Variants in DDX43 observed in about 807,000 individuals in gnomAD.
DDX43 encodes the protein DEAD-box helicase 43, also known as probable ATP-dependent RNA helicase DDX43.
In DDX43, 50 loss-of-function variants were observed where a neutral mutation model predicts 84.9. The observed-to-expected ratio is 0.59, with a 90% CI of 0.47 to 0.75. The LOEUF (loss-of-function observed/expected upper bound fraction) is 0.75, where lower values mean the gene tolerates loss of function less well. Ranked by LOEUF, DDX43 falls within the 30% of genes least tolerant of loss-of-function variation. The probability of loss-of-function intolerance (pLI) is 0.00; values close to 1 mark genes in which losing one functional copy is unlikely to be tolerated. For synonymous variants in DDX43, 291 were observed against 266.3 expected, an observed-to-expected ratio of 1.09 and a Z score of -0.90; for missense variants, 689 against 798.6, an observed-to-expected ratio of 0.86 and a Z score of 1.65.
chr6:73,401,713 A>G (rs1334350980), intron 3 of DDX43, 146 bp from the exon 4 acceptor site: 2 of 675,866 alleles, frequency 3.0e-6, no homozygotes, highest in Non-Finnish European at 4.6e-6. Flanking sequence ...GAGGCAAGAG[A>G]ATGGCGGGAA....
intron 10 of DDX43, among the ~76,000 whole-genome samples, chr6:73,411,246 A>AATTGG (rs1189328106): frequency 1.3e-5 from 2 of 151,516 alleles, no homozygotes; most frequent in East Asian, 3.9e-4. Flanking sequence ...CCCTATGAAA[A>AATTGG]ATTGGAATTT....
rs1769718409 is a variant in DDX43, at chr6:73,408,212, A to C, written c.1179+111A>C. The C allele has an allele frequency of 2.8e-6, 3 of 1,087,648 alleles. No individual in the cohort carries two copies. In the South Asian group the frequency reaches 4.4e-5, roughly 16 times the overall value. 67.4% of individuals were successfully genotyped at this position (1,087,648 alleles called of 1,614,324 possible). A position where few individuals can be genotyped will look rare whatever the true frequency, so the allele number is the denominator to read the frequency against. ...CACTTTGGGAGGCCGAGGCAGGTGG[A>C]TCACCTAAGGTCAGGAGTTCGAGAC... On this transcript the variant is annotated intron_variant, in intron 9 of 16. Transcript: ENST00000370336.
chr6:73,395,173 T>C lies in DDX43; in HGVS notation c.250+18T>C, dbSNP rs1410405272. On this transcript the variant is annotated intron_variant, in intron 1 of 16. Coordinates refer to ENST00000370336, the MANE Select transcript of DDX43 (RefSeq NM_018665.3). Reference sequence around the variant, plus strand: ...GGTAATCGGTGAGAATGGGAGTGGCTGGCAGGGCAGGATAGGTGGGGCCAG... The same window carrying C: ...GGTAATCGGTGAGAATGGGAGTGGCCGGCAGGGCAGGATAGGTGGGGCCAG... The C allele has an allele frequency of 2.5e-6, 4 of 1,593,942 alleles. No homozygotes were observed. The highest frequency in any genetic ancestry group is 3.4e-6 in the Non-Finnish European group (4 of 1,170,794).
chr6:73,401,066 C>G (rs1204784250), intron 3 of DDX43, among the ~76,000 whole-genome samples: 1 of 152,100 alleles, frequency 6.6e-6, no homozygotes, highest in Non-Finnish European at 1.5e-5. Context: ...TAGCCTTGAC[C>G]TCCTGGGCGG....
chr6:73,395,845 A>G (rs1206100816), intron 1 of DDX43, among the ~76,000 whole-genome samples: 2 of 152,162 alleles, frequency 1.3e-5, no homozygotes, highest in African/African-American at 4.8e-5. Flanking sequence ...AGGTCATTGT[A>G]GGGCTGCCTA....
In DDX43 at chr6:73,413,627, C is replaced by T. The variant is rs944830440; in HGVS notation, c.1369-31C>T. The T allele has an allele frequency of 4.4e-6, 7 of 1,604,424 alleles. No homozygotes were observed. The African/African-American group carries it at 5.4e-5, about 12-fold the overall frequency. ...CGGTCTCACCCTCAATCATGATGAC[C>T]TTGATGAACTATGTTCTTTGAATCC... is the stretch of plus-strand genomic sequence containing the variant. On this transcript the variant is annotated intron_variant, in intron 11 of 16. Coordinates refer to ENST00000370336, the MANE Select transcript of DDX43 (RefSeq NM_018665.3).
chr6:73,401,801 CAAAAAAAAA>C (rs60478350), intron 3 of DDX43, 49 bp from the exon 4 acceptor site: 25 of 1,087,286 alleles, frequency 2.3e-5, no homozygotes, highest in Non-Finnish European at 2.9e-5. Flanking sequence ...GACTCCATCT[CAAAAAAAAA>C]AAAAAAAAAA....
intron 2 of DDX43, among the ~76,000 whole-genome samples, chr6:73,398,556 G>A (rs1260606347): frequency 6.6e-6 from 1 of 151,276 alleles, no homozygotes; most frequent in Non-Finnish European, 1.5e-5. Context: ...CCAGTCGGAG[G>A]TAAAAATCGT....
intron 2 of DDX43, among the ~76,000 whole-genome samples, chr6:73,399,326 T>C (rs1769527004): frequency 6.6e-6 from 1 of 152,206 alleles, no homozygotes; most frequent in East Asian, 1.9e-4. Flanking sequence ...GGCCTGTAAG[T>C]CTAGACTCCT....
intron 1 of DDX43, among the ~76,000 whole-genome samples, 155 bp from the exon 2 acceptor site, chr6:73,397,534 A>G (rs1450198029): frequency 6.6e-6 from 1 of 152,104 alleles, no homozygotes; most frequent in Non-Finnish European, 1.5e-5. Flanking sequence ...TTGGAATAGA[A>G]CCTCTTACTT....
At chr6:73,397,820 T>G in intron 2 of DDX43, 76 bp downstream of exon 2, 1 of 1,326,994 alleles carries the variant, frequency 7.5e-7, no homozygotes, top group South Asian at 1.2e-5. Context: ...TACTTTTCTT[T>G]TTAAGACAGC....
chr6:73,414,221 C>T (rs189744198), intron 13 of DDX43, 142 bp downstream of exon 13: 1 of 613,194 alleles, frequency 1.6e-6, no homozygotes, highest in East Asian at 2.8e-5. Flanking sequence ...CTCATTAGAG[C>T]TCTAAACATT....
intron 4 of DDX43, among the ~76,000 whole-genome samples, chr6:73,403,384 C>T (rs1389968790): frequency 6.6e-6 from 1 of 152,116 alleles, no homozygotes; most frequent in Non-Finnish European, 1.5e-5. Context: ...GCAGGAGAAT[C>T]GCTTGACCCC....
chr6:73,414,397 G>T, intron 13 of DDX43, 151 bp from the exon 14 acceptor site: 2 of 711,330 alleles, frequency 2.8e-6, no homozygotes, highest in Non-Finnish European at 4.5e-6. Context: ...GTAACTTGCC[G>T]GCAGTTACTT....
At chr6:73,408,229 G>A (rs1562284935) in intron 9 of DDX43, 128 bp downstream of exon 9, 1 of 839,108 alleles carries the variant, frequency 1.2e-6, no homozygotes, top group Non-Finnish European at 1.8e-6. Flanking sequence ...AAGGTCAGGA[G>A]TTCGAGACCA....
At chr6:73,404,807 G>T in intron 5 of DDX43, 36 bp downstream of exon 5, 7 of 1,480,150 alleles carry the variant, frequency 4.7e-6, no homozygotes, top group Non-Finnish European at 6.6e-6. Flanking sequence ...GTAAGTATTT[G>T]TATAGTTACG....
intron 14 of DDX43, among the ~76,000 whole-genome samples, chr6:73,415,254 C>T (rs1051098861): frequency 2.0e-5 from 3 of 151,976 alleles, no homozygotes; most frequent in Admixed American, 6.6e-5. Context: ...GCCGAGATTG[C>T]GCCATTGCAC....
At chr6:73,400,994 T>C (rs1769558647) in intron 3 of DDX43, among the ~76,000 whole-genome samples, 1 of 151,850 alleles carries the variant, frequency 6.6e-6, no homozygotes, top group Non-Finnish European at 1.5e-5. Flanking sequence ...TAAAATTGTT[T>C]TGAGACAGGT....
chr6:73,409,800 G>A (rs913690682), intron 10 of DDX43, among the ~76,000 whole-genome samples: 1 of 152,174 alleles, frequency 6.6e-6, no homozygotes, highest in African/African-American at 2.4e-5. Flanking sequence ...GGAGGCCGAG[G>A]TGGGTGGATC....
Sources: gnomAD v4.1 joint callset for allele counts (sites outside exome capture counted in the v4.1 genomes callset) on GRCh38, gnomAD v4.1.1 for gene constraint, MANE v1.5 for transcripts, NCBI Gene and HGNC (gene_info 2026-07-23, HGNC 2026-07-21) for gene names.